Variants in SLC17A5 observed in about 807,000 individuals in gnomAD.
The protein encoded by SLC17A5 is sialin.
Under a neutral mutation model 59.4 loss-of-function variants are expected in SLC17A5, and 47 were observed. The observed-to-expected ratio is 0.79, with a 90% CI of 0.63 to 1.01. The LOEUF is 1.01. SLC17A5 is among the 50% of genes least tolerant of loss of function. The pLI, the probability that SLC17A5 is intolerant of heterozygous loss-of-function variation, is 0.00. For missense variants in SLC17A5, 522 were observed against 595.5 expected (o/e 0.88, Z 1.28); for synonymous variants, 202 against 210.7 (o/e 0.96, Z 0.36).
intron 8 of SLC17A5, among the ~76,000 whole-genome samples, chr6:73,613,843 G>C (rs1396524994): frequency 6.6e-6 from 1 of 152,170 alleles, no homozygotes; most frequent in African/African-American, 2.4e-5. Context: ...TGGGGGCTGG[G>C]TGTGGTGGCT....
rs1346635151 is a variant in SLC17A5, at chr6:73,607,627, A to AG, written c.1259+2772dup. Among the ~76,000 whole-genome samples the AG allele has an allele frequency of 7.2e-5, 11 of 152,158 alleles. No homozygotes were observed. The South Asian group carries it at 1.2e-3, about 17-fold the overall frequency. ...TCTTTCATTGCTAGTTCAAGAGAGCAGGGGGGGCCCTCATCAGATTCCAGA... is the reference window on the plus strand; with the variant it reads ...TCTTTCATTGCTAGTTCAAGAGAGCAGGGGGGGGCCCTCATCAGATTCCAGA... On this transcript the variant is annotated intron_variant, in intron 9 of 10. Coordinates refer to ENST00000355773, the MANE Select transcript of SLC17A5 (RefSeq NM_012434.5).
chr6:73,630,528 G>A (rs1382104287), intron 6 of SLC17A5, among the ~76,000 whole-genome samples: 4 of 151,994 alleles, frequency 2.6e-5, no homozygotes, highest in Admixed American at 2.0e-4. Context: ...CTGTCACTTC[G>A]AGCTTACAAA....
At chr6:73,653,728 G>A in intron 1 of SLC17A5, 65 bp downstream of exon 1, 3 of 1,449,438 alleles carry the variant, frequency 2.1e-6, no homozygotes, top group Non-Finnish European at 2.8e-6. Flanking sequence ...GGCCATGCCG[G>A]CCCAGAGACC....
At chr6:73,639,644 C>T (rs925570423) in intron 3 of SLC17A5, among the ~76,000 whole-genome samples, 7 of 152,228 alleles carry the variant, frequency 4.6e-5, no homozygotes, top group Admixed American at 1.3e-4. Flanking sequence ...GGTAGGAATG[C>T]AAGATAGTAA....
At chr6:73,624,302 T>A (rs1209836222) in intron 6 of SLC17A5, among the ~76,000 whole-genome samples, 1 of 151,562 alleles carries the variant, frequency 6.6e-6, no homozygotes, top group East Asian at 2.0e-4. Context: ...TGGTTAAGAG[T>A]CTGAGGCATG....
At chr6:73,638,337 G>T in intron 4 of SLC17A5, 75 bp downstream of exon 4, 2 of 1,014,100 alleles carry the variant, frequency 2.0e-6, no homozygotes, top group South Asian at 1.3e-5. Flanking sequence ...CATCGTTCTG[G>T]TATGCAGGCC....
chr6:73,636,694 C>A lies in SLC17A5; in HGVS notation c.627G>T (p.Gly209=), dbSNP rs1408349420. The A allele has an allele frequency of 1.2e-6, 2 of 1,610,036 alleles. No individual in the cohort carries two copies. The highest frequency in any genetic ancestry group is 1.7e-6 in the Non-Finnish European group (2 of 1,176,460). The stretch of plus-strand genomic sequence containing the variant: ...CAGAAAGAGGAAGAGAAATTACTGT[C>A]CCAAGCTGTGCTCCTAGAACAACAC... The part of the protein sequence containing the change: ...LSISYAGAQL[G]TVISLPLSGI... The change falls in exon 5 of 11, where the codon GGG becomes GGT. Residue 209 remains glycine, a synonymous_variant. Coordinates refer to ENST00000355773, the MANE Select transcript of SLC17A5 (RefSeq NM_012434.5).
At chr6:73,602,593 TGAAACC>T (rs1366879486) in intron 9 of SLC17A5, among the ~76,000 whole-genome samples, 1 of 151,934 alleles carries the variant, frequency 6.6e-6, no homozygotes, top group Non-Finnish European at 1.5e-5. Flanking sequence ...GCTAACATGG[TGAAACC>T]CCGTCTCTAC....
chr6:73,651,920 T>C (rs554275672), intron 1 of SLC17A5, among the ~76,000 whole-genome samples: 1 of 152,248 alleles, frequency 6.6e-6, no homozygotes, highest in East Asian at 1.9e-4. Context: ...ACATATGAAA[T>C]GACATGGTAT....
At chr6:73,635,306 T>C in intron 6 of SLC17A5, 76 bp downstream of exon 6, 2 of 827,742 alleles carry the variant, frequency 2.4e-6, no homozygotes, top group Non-Finnish European at 4.1e-6. Context: ...GGAATATATA[T>C]TTTTAAAAAC....
intron 1 of SLC17A5, among the ~76,000 whole-genome samples, chr6:73,649,096 C>T (rs1030297732): frequency 2.0e-5 from 3 of 151,560 alleles, no homozygotes; most frequent in Non-Finnish European, 4.4e-5. Flanking sequence ...CTTCCAGGTT[C>T]AAGCAATTCT....
At chr6:73,631,007 T>C (rs774557125) in intron 6 of SLC17A5, among the ~76,000 whole-genome samples, 5 of 150,054 alleles carry the variant, frequency 3.3e-5, no homozygotes, top group Non-Finnish European at 7.4e-5. Flanking sequence ...GATCGTGCCA[T>C]TGTACTTCAG....
intron 10 of SLC17A5, among the ~76,000 whole-genome samples, chr6:73,598,972 G>T (rs1766940720): frequency 6.7e-6 from 1 of 150,090 alleles, no homozygotes; most frequent in Non-Finnish European, 1.5e-5. Flanking sequence ...CAACAAGAGC[G>T]AAACTCCGTC....
At chr6:73,597,492 A>C (rs1303141) in intron 10 of SLC17A5, among the ~76,000 whole-genome samples, 55,320 of 148,258 alleles carry the variant, frequency 0.37, 10,319 homozygotes, top group African/African-American at 0.42. Context: ...CAAAACAAAA[A>C]AAACCAAGCA....
At chr6:73,637,613 T>C (rs945009735) in intron 4 of SLC17A5, among the ~76,000 whole-genome samples, 2 of 152,216 alleles carry the variant, frequency 1.3e-5, no homozygotes, top group Admixed American at 6.5e-5. Flanking sequence ...CACTGAGTTC[T>C]AGCCATCCAA....
chr6:73,600,353 CA>C lies in SLC17A5; in HGVS notation c.1347del (p.Asp450IlefsTer52). The C allele has an allele frequency of 6.2e-7, 1 of 1,611,816 alleles. No individual in the cohort carries two copies. Among genetic ancestry groups the C allele is most frequent in the Non-Finnish European group, 8.5e-7 (1 of 1,177,976 alleles). ...TTACAAGTAAATTATCTACTTACATCAGGGGTCAGACTTTTAGCAATGACGG... is the reference window on the plus strand; with the variant it reads ...TTACAAGTAAATTATCTACTTACATCGGGGTCAGACTTTTAGCAATGACGG... ...VGPVIAKSLT[P>X]DNTVGEWQTV... is the part of the protein sequence containing the mutation. On this transcript the variant is annotated frameshift_variant, in exon 10 of 11. Transcript: ENST00000355773. LOFTEE classifies it high-confidence loss of function.
At chr6:73,624,461 T>A (rs1002683092) in intron 6 of SLC17A5, among the ~76,000 whole-genome samples, 1 of 152,208 alleles carries the variant, frequency 6.6e-6, no homozygotes, top group Non-Finnish European at 1.5e-5. Context: ...GAAGTTTTTT[T>A]CTATTAAGAT....
chr6:73,612,831 C>T (rs1256938509), intron 8 of SLC17A5, among the ~76,000 whole-genome samples: 1 of 152,082 alleles, frequency 6.6e-6, no homozygotes, highest in Non-Finnish European at 1.5e-5. Context: ...GTGGGAGGAT[C>T]GCTTGAGCCC....
At chr6:73,644,177 G>C (rs977814602) in intron 2 of SLC17A5, among the ~76,000 whole-genome samples, 10 of 152,136 alleles carry the variant, frequency 6.6e-5, no homozygotes, top group Non-Finnish European at 1.3e-4. Context: ...TTTATAGAGG[G>C]AATGGAAGAA....
Sources: allele counts gnomAD v4.1 joint callset (sites outside exome capture counted in the v4.1 genomes callset), GRCh38; gene constraint gnomAD v4.1.1; transcripts MANE v1.5; gene names NCBI Gene and HGNC (gene_info 2026-07-23, HGNC 2026-07-21).